Variants in TUSC3 observed in about 807,000 individuals in gnomAD.
The protein encoded by TUSC3 is dolichyl-diphosphooligosaccharide--protein glycosyltransferase subunit TUSC3.
In TUSC3, 45 loss-of-function variants were observed where a neutral mutation model predicts 44.8. The ratio of observed to expected loss-of-function variants is 1.00; its 90% CI spans 0.79 to 1.29. The LOEUF is 1.29. Among genes scored for constraint, TUSC3 ranks in the 50% most tolerant of loss-of-function variants. The pLI is 0.00. For missense variants in TUSC3, 519 were observed against 437.9 expected (o/e 1.19, Z -1.65); for synonymous variants, 212 against 152.9 (o/e 1.39, Z -2.85).
At chr8:15,696,060 A>T (rs1436759238) in intron 6 of TUSC3, among the ~76,000 whole-genome samples, 12 of 152,196 alleles carry the variant, frequency 7.9e-5, no homozygotes. Context: ...TGCATAAGTA[A>T]TGAGGAGCTG....
chr8:15,606,563 T>G (rs1048508668), intron 1 of TUSC3, among the ~76,000 whole-genome samples: 1 of 152,052 alleles, frequency 6.6e-6, no homozygotes. Context: ...TTGTGGATAT[T>G]CTTGTAGGTA....
chr8:15,592,808 CATGT>C (rs1450027465), intron 1 of TUSC3, among the ~76,000 whole-genome samples: 1 of 152,104 alleles, frequency 6.6e-6, no homozygotes, highest in African/African-American at 2.4e-5. Context: ...TTACAACAAA[CATGT>C]GATACAGGTA....
chr8:15,736,059 T>G (rs1810925672), intron 7 of TUSC3, among the ~76,000 whole-genome samples: 1 of 152,060 alleles, frequency 6.6e-6, no homozygotes, highest in South Asian at 2.1e-4. Flanking sequence ...CGTATTTTTG[T>G]ACAGAAGACA....
the TUSC3 span, among the ~76,000 whole-genome samples, chr8:15,829,316 C>A: frequency 4.6e-5 from 7 of 152,274 alleles, no homozygotes; most frequent in South Asian, 8.3e-4. Context: ...AAGTGCCAGA[C>A]TGCGATTATG....
intron 1 of TUSC3, among the ~76,000 whole-genome samples, chr8:15,449,966 G>C (rs1800172200): frequency 6.6e-6 from 1 of 152,100 alleles, no homozygotes; most frequent in African/African-American, 2.4e-5. Context: ...CGATAGGCTA[G>C]GCTATACCAC....
At chr8:15,781,304 A>G in the TUSC3 span, among the ~76,000 whole-genome samples, 2 of 152,204 alleles carry the variant, frequency 1.3e-5, no homozygotes, top group Non-Finnish European at 2.9e-5. Context: ...AATGCATCCA[A>G]TAGGTCTGGC....
chr8:15,442,191 A>G (rs973386640), intron 1 of TUSC3, among the ~76,000 whole-genome samples: 8 of 151,840 alleles, frequency 5.3e-5, no homozygotes, highest in Non-Finnish European at 8.8e-5. Flanking sequence ...TATATATACG[A>G]TTTTTGTCAA....
chr8:15,605,202 A>G (rs1350609699), intron 1 of TUSC3, among the ~76,000 whole-genome samples: 4 of 151,900 alleles, frequency 2.6e-5, no homozygotes, highest in African/African-American at 9.7e-5. Flanking sequence ...AGATTAGTAT[A>G]GGAACAGCAA....
In TUSC3 at chr8:15,523,658, ATATATATGTGTGTGTGTGTGTG is replaced by A. The variant is rs1452764453; in HGVS notation, n.189+40177_189+40198del. ...TAAAAACATATATATATATATATAT[ATATATATGTGTGTGTGTGTGTG>A]TGTGTGTGTGTGTGTGTGTGTGTGT... On this transcript the variant is annotated intron_variant and non_coding_transcript_variant, in intron 2 of 5. Coordinates refer to the TUSC3 transcript ENST00000503191. Among the ~76,000 whole-genome samples the A allele has an allele frequency of 8.3e-3, 177 of 21,332 alleles. 6 individuals carry two copies. Among genetic ancestry groups the A allele is most frequent in the Admixed American group, 0.013 (17 of 1,294 alleles). 14.0% of individuals were successfully genotyped at this position (21,332 alleles called of 152,430 possible). A position where few individuals can be genotyped will look rare whatever the true frequency, so the allele number is the denominator to read the frequency against.
intron 1 of TUSC3, among the ~76,000 whole-genome samples, chr8:15,592,154 T>C (rs1260120838): frequency 6.6e-6 from 1 of 152,176 alleles, no homozygotes; most frequent in African/African-American, 2.4e-5. Context: ...ACTTGAATAG[T>C]TGTTTTCCAC....
At position 15,662,167 on chromosome 8, in the gene TUSC3, C is replaced by T. The variant is rs577316781; in HGVS notation, c.579C>T (p.Phe193=). Residue 193 remains phenylalanine, a synonymous_variant, in exon 5 of 11, where the codon TTC becomes TTT. Coordinates refer to ENST00000503731, the MANE Select transcript of TUSC3 (RefSeq NM_006765.4). The part of the protein sequence containing the change: ...ADRTDVHIRV[F]RPPNYSGTIA... ...TTGCATTTTTGCAGATTCGGGTTTT[C>T]AGACCACCCAACTACTCTGGTACCA... 4 of 1,612,794 alleles carry T rather than the reference C, an allele frequency of 2.5e-6. No individual in the cohort carries two copies. The Admixed American group carries it at 6.7e-5, about 27-fold the overall frequency.
intron 1 of TUSC3, among the ~76,000 whole-genome samples, chr8:15,430,329 C>G (rs1040314222): frequency 1.3e-5 from 2 of 149,764 alleles, no homozygotes; most frequent in Non-Finnish European, 3.0e-5. Flanking sequence ...TCAACATAAA[C>G]AAATCAATAA....
At chr8:15,539,498 G>A (rs116989449), upstream of TUSC3, among the ~76,000 whole-genome samples, 468 of 151,480 alleles carry the variant, frequency 3.1e-3, 6 homozygotes, top group East Asian at 0.032. Flanking sequence ...ACTGCAAGGC[G>A]CTCCACCATG....
At chr8:15,587,863 C>G (rs1258585657) in intron 1 of TUSC3, among the ~76,000 whole-genome samples, 1 of 152,038 alleles carries the variant, frequency 6.6e-6, no homozygotes, top group Non-Finnish European at 1.5e-5. Flanking sequence ...ATAATATTCT[C>G]TGGGCTCATC....
At chr8:15,813,844 G>T in the TUSC3 span, among the ~76,000 whole-genome samples, 1 of 152,168 alleles carries the variant, frequency 6.6e-6, no homozygotes, top group East Asian at 1.9e-4. Context: ...TTACGTTGAG[G>T]CAGTGGGATG....
intron 2 of TUSC3, among the ~76,000 whole-genome samples, chr8:15,630,213 T>C (rs1038461249): frequency 2.6e-5 from 4 of 152,156 alleles, no homozygotes; most frequent in African/African-American, 9.6e-5. Context: ...AAAGAACTTA[T>C]GTAGAATCAA....
At chr8:15,496,270 T>A (rs1170667750) in intron 2 of TUSC3, among the ~76,000 whole-genome samples, 1 of 152,198 alleles carries the variant, frequency 6.6e-6, no homozygotes, top group Non-Finnish European at 1.5e-5. Context: ...CCTTTTAACA[T>A]ATGTTCTGCC....
chr8:15,585,409 G>C (rs1443504477), intron 1 of TUSC3, among the ~76,000 whole-genome samples: 1 of 152,176 alleles, frequency 6.6e-6, no homozygotes, highest in Non-Finnish European at 1.5e-5. Flanking sequence ...AGTAAGAAAC[G>C]TGGACACAAA....
chr8:15,738,051 T>A (rs1402980612), intron 7 of TUSC3, among the ~76,000 whole-genome samples: 2 of 152,152 alleles, frequency 1.3e-5, no homozygotes, highest in Non-Finnish European at 2.9e-5. Context: ...CTTAAAGCCA[T>A]TTTAGTATAA....
Sources: allele counts gnomAD v4.1 joint callset (sites outside exome capture counted in the v4.1 genomes callset), GRCh38; gene constraint gnomAD v4.1.1; transcripts MANE v1.5; gene names NCBI Gene and HGNC (gene_info 2026-07-23, HGNC 2026-07-21).